The following CRB1 variants were observed in gnomAD, a reference collection of about 807,000 sequenced individuals.
The protein encoded by CRB1 is crumbs cell polarity complex component 1.
In CRB1, 83 loss-of-function variants were observed where a neutral mutation model predicts 120.0. The ratio of observed to expected loss-of-function variants is 0.69; its 90% CI spans 0.58 to 0.83. The LOEUF is 0.83. Ranked by LOEUF, CRB1 falls within the 40% of genes least tolerant of loss-of-function variation. The pLI is 0.00. For missense variants in CRB1, 1,699 were observed against 1,687.6 expected, an observed-to-expected ratio of 1.01 and a Z score of -0.12; for synonymous variants, 625 against 612.5, an observed-to-expected ratio of 1.02 and a Z score of -0.30.
intron 4 of CRB1, among the ~76,000 whole-genome samples, chr1:197,354,003 GAA>G (rs1033052296): frequency 2.2e-5 from 3 of 134,308 alleles, no homozygotes; most frequent in African/African-American, 5.6e-5. Flanking sequence ...AAAAAAACAG[GAA>G]AAAATATGAA....
intron 3 of CRB1, among the ~76,000 whole-genome samples, chr1:197,346,456 T>C (rs1659780723): frequency 6.6e-6 from 1 of 152,144 alleles, no homozygotes; most frequent in African/African-American, 2.4e-5. Flanking sequence ...ATTGAACAAA[T>C]GGAATACTGA....
At chr1:197,235,097 C>T in the CRB1 span, among the ~76,000 whole-genome samples, 1 of 152,160 alleles carries the variant, frequency 6.6e-6, no homozygotes, top group Non-Finnish European at 1.5e-5. Flanking sequence ...AAGTATATGG[C>T]ACTATGTCCC....
chr1:197,341,180 G>A (rs955137811), intron 2 of CRB1, among the ~76,000 whole-genome samples: 2 of 152,140 alleles, frequency 1.3e-5, no homozygotes, highest in Non-Finnish European at 2.9e-5. Context: ...ATGCCTGTGA[G>A]ATAACTCAAT....
At chr1:197,306,421 A>T (rs905657130) in intron 1 of CRB1, among the ~76,000 whole-genome samples, 1 of 152,182 alleles carries the variant, frequency 6.6e-6, no homozygotes. Context: ...TCCTGTCCTA[A>T]ATTTTGGGTT....
intron 6 of CRB1, among the ~76,000 whole-genome samples, chr1:197,426,984 T>G (rs548317713): frequency 6.6e-6 from 1 of 152,336 alleles, no homozygotes; most frequent in East Asian, 1.9e-4. Context: ...ATGACATGTT[T>G]GCTTCAGCAT....
chr1:197,420,256 G>T (rs535462407), intron 5 of CRB1, among the ~76,000 whole-genome samples: 10 of 152,008 alleles, frequency 6.6e-5, no homozygotes, highest in African/African-American at 2.4e-4. Flanking sequence ...CAACAGCCAC[G>T]CTTATTAAAA....
At chr1:197,387,982 A>T (rs1446394929) in intron 5 of CRB1, among the ~76,000 whole-genome samples, 2 of 151,380 alleles carry the variant, frequency 1.3e-5, no homozygotes, top group African/African-American at 2.4e-5. Flanking sequence ...TGTTGTGTAA[A>T]CTCATCTCTC....
At chr1:197,469,188 C>A (rs1049921635) in intron 11 of CRB1, among the ~76,000 whole-genome samples, 4 of 152,078 alleles carry the variant, frequency 2.6e-5, no homozygotes, top group African/African-American at 4.8e-5. Context: ...CCACTGCACT[C>A]CAGCCTGAGC....
rs1015847274 is a variant in CRB1 at position 197,459,633 on chromosome 1, C to T, written c.4005+17341C>T. Among the ~76,000 whole-genome samples, 9 of 152,014 alleles carry T rather than the reference C, an allele frequency of 5.9e-5. No homozygotes were observed. The East Asian group carries it at 1.7e-3, about 29-fold the overall frequency. On this transcript the variant is annotated intron_variant, in intron 11 of 11. Transcript: ENST00000367400. ...CCATCTTCTAATACGGTGACATTGG[C>T]GATTAGGTTTCAGTGAATGAAATCT...
chr1:197,245,714 G>T, the CRB1 span, among the ~76,000 whole-genome samples: 2 of 152,000 alleles, frequency 1.3e-5, no homozygotes, highest in African/African-American at 4.8e-5. Flanking sequence ...GTCTATTTAA[G>T]CTTTCTGTAC....
the CRB1 span, among the ~76,000 whole-genome samples, chr1:197,226,149 T>C: frequency 0.17 from 25,517 of 152,134 alleles, 2,358 homozygotes; most frequent in Middle Eastern, 0.25. Flanking sequence ...ACTCAAGCCA[T>C]CCACCTGCCT....
At chr1:197,407,357 G>T (rs976908750) in intron 5 of CRB1, among the ~76,000 whole-genome samples, 6 of 152,140 alleles carry the variant, frequency 3.9e-5, no homozygotes, top group Non-Finnish European at 8.8e-5. Flanking sequence ...AGTAGTTTCT[G>T]CCTTTTATCA....
At chr1:197,422,544 G>GA (rs1193126926) in intron 6 of CRB1, among the ~76,000 whole-genome samples, 4,427 of 81,458 alleles carry the variant, frequency 0.054, 71 homozygotes, top group Non-Finnish European at 0.062. Context: ...GGTGTCTTAA[G>GA]AAAAAAAAAA....
chr1:197,203,947 CT>C, the CRB1 span, among the ~76,000 whole-genome samples: 7 of 152,256 alleles, frequency 4.6e-5, no homozygotes, highest in East Asian at 9.7e-4. Context: ...CCTCACCCCC[CT>C]CCCACCCTTT....
chr1:197,469,370 A>T (rs1245577919), intron 11 of CRB1, among the ~76,000 whole-genome samples: 10 of 152,140 alleles, frequency 6.6e-5, no homozygotes. Flanking sequence ...GGAGGAAATA[A>T]AAGTGTGTAG....
intron 1 of CRB1, among the ~76,000 whole-genome samples, chr1:197,271,206 A>G (rs900745270): frequency 6.6e-6 from 1 of 152,138 alleles, no homozygotes; most frequent in African/African-American, 2.4e-5. Flanking sequence ...CTCAAGAAAT[A>G]AAAAGAAAGG....
At chr1:197,369,779 G>T (rs964378925) in intron 5 of CRB1, among the ~76,000 whole-genome samples, 2 of 152,092 alleles carry the variant, frequency 1.3e-5, no homozygotes, top group Non-Finnish European at 2.9e-5. Flanking sequence ...ACTTCTCTCT[G>T]TATGCTGAAG....
At chr1:197,399,240 ATG>A (rs1662936167) in intron 5 of CRB1, among the ~76,000 whole-genome samples, 1 of 152,184 alleles carries the variant, frequency 6.6e-6, no homozygotes. Flanking sequence ...ACTCTAATGA[ATG>A]TAGCATTTAG....
chr1:197,456,457 G>T (rs928329595), intron 11 of CRB1, among the ~76,000 whole-genome samples: 2 of 152,060 alleles, frequency 1.3e-5, no homozygotes, highest in Non-Finnish European at 2.9e-5. Flanking sequence ...AGATGAAAAT[G>T]ATAGTATATA....
Sources: allele counts gnomAD v4.1 joint callset (sites outside exome capture counted in the v4.1 genomes callset), GRCh38; gene constraint gnomAD v4.1.1; transcripts MANE v1.5; gene names NCBI Gene and HGNC (gene_info 2026-07-23, HGNC 2026-07-21).